ALG9: variants seen among roughly 807,000 people sequenced by gnomAD.
ALG9 encodes alpha-1,2-mannosyltransferase ALG9.
ALG9 carries 55 observed loss-of-function variants against 81.8 expected under a neutral mutation model. That is an observed-to-expected ratio of 0.67 (90% CI 0.54 to 0.84). ALG9 has a LOEUF of 0.84. Among genes scored for constraint, ALG9 ranks in the 40% least tolerant of loss-of-function variants. The pLI, the probability that ALG9 is intolerant of heterozygous loss-of-function variation, is 0.00. For missense variants in ALG9, 629 were observed against 745.0 expected, an observed-to-expected ratio of 0.84 and a Z score of 1.81; for synonymous variants, 278 against 274.3, an observed-to-expected ratio of 1.01 and a Z score of -0.13.
At chr11:111,803,730 C>T (rs1160292020) in intron 14 of ALG9, among the ~76,000 whole-genome samples, 6 of 152,112 alleles carry the variant, frequency 3.9e-5, no homozygotes, top group African/African-American at 9.7e-5. Context: ...TTTCAACAAA[C>T]GGTGCTGGAA....
rs372605010 is a variant in ALG9 at position 111,795,382 on chromosome 11, G to A, written c.1734-8862C>T. Among the ~76,000 whole-genome samples, 103 of 152,272 alleles carry A rather than the reference G, an allele frequency of 6.8e-4. 4 individuals carry two copies. In the South Asian group the frequency reaches 0.021, roughly 30 times the overall value. On this transcript the variant is annotated intron_variant, in intron 14 of 14. Coordinates refer to ENST00000616540, the MANE Select transcript of ALG9 (RefSeq NM_024740.2). ...AGAGCAAAGCAGAAGTCTAGAGTGG[G>A]GAGCTGGGGGGCTGTGGTGGCCCAT...
At chr11:111,852,179 C>T (rs1555139171) in intron 8 of ALG9, among the ~76,000 whole-genome samples, 1 of 152,186 alleles carries the variant, frequency 6.6e-6, no homozygotes, top group African/African-American at 2.4e-5. Flanking sequence ...TCTTAACCTG[C>T]TTCATAGCAG....
intron 8 of ALG9, chr11:111,849,570 C>T (rs1418282463): frequency 6.6e-6 from 1 of 152,226 alleles, no homozygotes; most frequent in Non-Finnish European, 1.5e-5. Flanking sequence ...CACAGATCAA[C>T]CCATCACCTA....
chr11:111,782,311 C>T lies in ALG9; in HGVS notation c.*4086G>A, dbSNP rs1946005485. Reference sequence around the variant, plus strand: ...AGGAAGACAAGTGAATTGGACAATACTCTTGCTTTAACACTTTACTGCTTC... The same window carrying T: ...AGGAAGACAAGTGAATTGGACAATATTCTTGCTTTAACACTTTACTGCTTC... On this transcript the variant is annotated 3_prime_UTR_variant, in exon 15 of 15. Coordinates refer to ENST00000616540, the MANE Select transcript of ALG9 (RefSeq NM_024740.2). 1 of 152,348 alleles carries T rather than the reference C, an allele frequency of 6.6e-6. No homozygotes were observed. Among genetic ancestry groups the T allele is most frequent in the African/African-American group, 2.4e-5 (1 of 41,452 alleles). The allele number at this position is 152,348 out of a possible 1,614,324, so 9.4% of individuals were successfully genotyped here.
At chr11:111,829,617 G>A (rs1555111821) in intron 13 of ALG9, among the ~76,000 whole-genome samples, 1 of 152,146 alleles carries the variant, frequency 6.6e-6, no homozygotes, top group Non-Finnish European at 1.5e-5. Flanking sequence ...ATTCTCAAAG[G>A]AAATAGAAGG....
chr11:111,833,591 G>A lies in ALG9; in HGVS notation c.1602+2574C>T, dbSNP rs572166748. ...ACAGGCTGGAGCACTTAGCATTGAA[G>A]CCAAAGGCTGGCTAAAACCTGCCAC... On this transcript the variant is annotated intron_variant, in intron 13 of 14. Coordinates refer to ENST00000616540, the MANE Select transcript of ALG9 (RefSeq NM_024740.2). Among the ~76,000 whole-genome samples the A allele has an allele frequency of 9.9e-5, 15 of 152,246 alleles. No individual in the cohort carries two copies. In the South Asian group the frequency reaches 2.7e-3, roughly 27 times the overall value.
chr11:111,839,982 CA>C (rs1955966801), intron 10 of ALG9, among the ~76,000 whole-genome samples: 2 of 152,212 alleles, frequency 1.3e-5, no homozygotes, highest in Admixed American at 1.3e-4. Flanking sequence ...CTAAAGGGTA[CA>C]GGGTTTTTGA....
At chr11:111,803,356 C>A (rs914099094) in intron 14 of ALG9, among the ~76,000 whole-genome samples, 3 of 151,854 alleles carry the variant, frequency 2.0e-5, no homozygotes, top group African/African-American at 7.3e-5. Flanking sequence ...ACAACAATAG[C>A]CAGGCATGGT....
chr11:111,788,361 G>C, intron 14 of ALG9: 1 of 453,258 alleles, frequency 2.2e-6, no homozygotes, highest in Admixed American at 2.4e-5. Context: ...GGCTTTGATA[G>C]AGAAAGGAGG....
chr11:111,796,125 A>G (rs1948248325), intron 14 of ALG9, among the ~76,000 whole-genome samples: 1 of 152,254 alleles, frequency 6.6e-6, no homozygotes, highest in African/African-American at 2.4e-5. Flanking sequence ...AAAATAATTC[A>G]ATAATCTTTA....
intron 4 of ALG9, 114 bp downstream of exon 4, chr11:111,865,065 CCG>C (rs1424083887): frequency 8.6e-6 from 7 of 814,204 alleles, no homozygotes; most frequent in Admixed American, 3.3e-5. Context: ...GTGTGAGCCA[CCG>C]CACCCGGTCA....
At chr11:111,855,785 G>T (rs1958568211) in intron 6 of ALG9, among the ~76,000 whole-genome samples, 3 of 152,172 alleles carry the variant, frequency 2.0e-5, no homozygotes. Flanking sequence ...AAGTACAGAA[G>T]AGGACCTAAG....
At chr11:111,781,483 G>A (rs2136152979), downstream of ALG9, among the ~76,000 whole-genome samples, 1 of 152,024 alleles carries the variant, frequency 6.6e-6, no homozygotes, top group East Asian at 1.9e-4. Context: ...CAACAAAGGG[G>A]GAAATTACCT....
intron 9 of ALG9, among the ~76,000 whole-genome samples, chr11:111,842,766 T>A (rs1956418123): frequency 6.6e-6 from 1 of 152,064 alleles, no homozygotes; most frequent in Non-Finnish European, 1.5e-5. Context: ...TAAAATCACA[T>A]AAAAATATAA....
At chr11:111,871,033 G>C in intron 1 of ALG9, 1 of 1,083,520 alleles carries the variant, frequency 9.2e-7, no homozygotes, top group African/African-American at 1.7e-5. Flanking sequence ...GAGCTGTGAG[G>C]AACAGCCGTA....
chr11:111,829,965 G>C (rs1555112224), intron 13 of ALG9, among the ~76,000 whole-genome samples: 1 of 152,206 alleles, frequency 6.6e-6, no homozygotes, highest in African/African-American at 2.4e-5. Context: ...TATTTGACAG[G>C]AAAATAGGTA....
downstream of ALG9, among the ~76,000 whole-genome samples, chr11:111,778,828 T>C (rs1456224402): frequency 1.3e-5 from 2 of 151,462 alleles, no homozygotes; most frequent in Non-Finnish European, 3.0e-5. Flanking sequence ...TTTTTTTTTT[T>C]TTTGAGACAG....
chr11:111,802,163 T>C (rs643554), intron 14 of ALG9, among the ~76,000 whole-genome samples: 1 of 152,232 alleles, frequency 6.6e-6, no homozygotes, highest in African/African-American at 2.4e-5. Context: ...ATTAGATCAC[T>C]TCCCTGCAGA....
Position 111,786,175 on chromosome 11 carries a change from A to G in ALG9, c.*222T>C, listed in dbSNP as rs782550945. The G allele has an allele frequency of 5.5e-5, 36 of 652,434 alleles. No individual in the cohort carries two copies. The highest frequency in any genetic ancestry group is 1.0e-4 in the Non-Finnish European group (36 of 358,470). The allele number at this position is 652,434 out of a possible 1,614,324, so 40.4% of individuals were successfully genotyped here. ...TGTGCTTTAGGGCCTTTCTCTGCCT[A>G]GCTGCAAAAAGTTTACATGCAGAAC... is the stretch of plus-strand genomic sequence containing the variant. On this transcript the variant is annotated 3_prime_UTR_variant, in exon 15 of 15. Transcript: ENST00000616540.
Sources: allele counts gnomAD v4.1 joint callset (sites outside exome capture counted in the v4.1 genomes callset), GRCh38; gene constraint gnomAD v4.1.1; transcripts MANE v1.5; gene names NCBI Gene and HGNC (gene_info 2026-07-23, HGNC 2026-07-21).